ZNF134: variants seen among roughly 807,000 people sequenced by gnomAD.
The protein encoded by ZNF134 is zinc finger protein 134, also known as zinc finger protein 134 (clone pHZ-15).
Under a neutral mutation model 2.5 loss-of-function variants are expected in ZNF134, and 5 were observed. That is an observed-to-expected ratio of 2.03 (90% CI 1.06 to 4.27). ZNF134 has a LOEUF of 4.27. Ranked by LOEUF, ZNF134 falls within the 30% of genes most tolerant of loss-of-function variation. The pLI, the probability that ZNF134 is intolerant of heterozygous loss-of-function variation, is 0.00. For synonymous variants in ZNF134, 176 were observed against 176.2 expected, an observed-to-expected ratio of 1.00 and a Z score of 0.01; for missense variants, 540 against 517.5, an observed-to-expected ratio of 1.04 and a Z score of -0.42.
intron 2 of ZNF134, 146 bp from the exon 3 acceptor site, chr19:57,620,013 AG>A: frequency 2.3e-6 from 2 of 863,030 alleles, no homozygotes; most frequent in Non-Finnish European, 3.5e-6. Context: ...AGTACTGTAC[AG>A]CAGCCCTTTT....
In ZNF134 at chr19:57,619,466, G is replaced by T. The variant is rs377261268; in HGVS notation, c.-3G>T. 32 of 1,604,948 alleles carry T rather than the reference G, an allele frequency of 2.0e-5. No individual in the cohort carries two copies. The highest frequency in any genetic ancestry group is 2.6e-5 in the Non-Finnish European group (31 of 1,175,940). On this transcript the variant is annotated 5_prime_UTR_variant, in exon 2 of 3. Coordinates refer to ENST00000396161, the MANE Select transcript of ZNF134 (RefSeq NM_003435.5). ...AGAGAGAACTCTGGCTGCCTGAGAG[G>T]GCATGACTCTAGTCACAGCAGGAGG...
rs1483770498 is a variant in ZNF134, at chr19:57,620,311, C to T, written c.192C>T (p.His64=). Residue 64 remains histidine, a synonymous_variant, in exon 3 of 3, where the codon CAC becomes CAT. Coordinates refer to ENST00000396161, the MANE Select transcript of ZNF134 (RefSeq NM_003435.5). ...ICGPILKDIL[H]LDEHQGTHHG... ...GCCCCATCTTGAAAGATATTTTGCA[C>T]CTGGATGAACACCAGGGTACACACC... 6.2e-7 allele frequency: 1 copy of T among 1,614,136 alleles called. No individual in the cohort carries two copies. Among genetic ancestry groups the T allele is most frequent in the Non-Finnish European group, 8.5e-7 (1 of 1,180,030 alleles).
At chr19:57,619,649 T>C in intron 2 of ZNF134, 141 bp downstream of exon 2, 1 of 953,990 alleles carries the variant, frequency 1.0e-6, no homozygotes, top group Non-Finnish European at 1.5e-6. Context: ...TACACTCTTG[T>C]CATTTCTAAT....
chr19:57,616,186 A>G (rs1981046291), intron 1 of ZNF134, among the ~76,000 whole-genome samples: 2 of 152,212 alleles, frequency 1.3e-5, no homozygotes, highest in Admixed American at 6.5e-5. Context: ...TCTCTAATGA[A>G]GGATCACTGC....
Position 57,620,759 on chromosome 19 carries a change from A to G in ZNF134, c.640A>G (p.Ser214Gly). The change falls in exon 3 of 3, where the codon AGC (serine) becomes GGC (glycine). Residue 214 changes from serine to glycine, a missense_variant. Physicochemically the swap from Ser to Gly is moderately conservative, Grantham distance 56. Coordinates refer to ENST00000396161, the MANE Select transcript of ZNF134 (RefSeq NM_003435.5). ...YECSECGKAF[S>G]RKATLVQHQR... ...GTGCAGCGAATGTGGGAAAGCCTTC[A>G]GCCGCAAAGCTACACTTGTCCAGCA... 1 of 1,612,858 alleles carries G rather than the reference A, an allele frequency of 6.2e-7. No homozygotes were observed. The highest frequency in any genetic ancestry group is 1.1e-5 in the South Asian group (1 of 91,034).
At chr19:57,615,092 G>C (rs1981014023) in intron 1 of ZNF134, among the ~76,000 whole-genome samples, 1 of 152,014 alleles carries the variant, frequency 6.6e-6, no homozygotes. Flanking sequence ...GGGTTTTTTT[G>C]GCCTGTTTTC....
Position 57,622,993 on chromosome 19 carries a change from A to ACT in ZNF134, c.*1591_*1592insTC, listed in dbSNP as rs1981272814. Reference sequence around the variant, plus strand: ...CACACACACACACACACACACACACACACTTGAAACTATCACCCTATCAGT... The same window carrying ACT: ...CACACACACACACACACACACACACACTCACTTGAAACTATCACCCTATCAGT... On this transcript the variant is annotated 3_prime_UTR_variant, in exon 3 of 3. Coordinates refer to ENST00000396161, the MANE Select transcript of ZNF134 (RefSeq NM_003435.5). The ACT allele has an allele frequency of 6.7e-6, 1 of 148,454 alleles. No individual in the cohort carries two copies. The highest frequency in any genetic ancestry group is 2.5e-5 in the African/African-American group (1 of 39,738). 9.2% of individuals were successfully genotyped at this position (148,454 alleles called of 1,614,324 possible).
chr19:57,616,899 T>C (rs1036742092), intron 1 of ZNF134, among the ~76,000 whole-genome samples: 4 of 152,220 alleles, frequency 2.6e-5, no homozygotes, highest in African/African-American at 9.6e-5. Context: ...GTGTCCCTTC[T>C]GCCTACCGTT....
rs1981263550 is a variant in ZNF134, at chr19:57,622,751, G to A, written c.*1348G>A. 6.6e-6 allele frequency: 1 copy of A among 152,070 alleles called. No individual in the cohort carries two copies. Among genetic ancestry groups the A allele is most frequent in the Admixed American group, 6.6e-5 (1 of 15,256 alleles). The allele number at this position is 152,070 out of a possible 1,614,324, so 9.4% of individuals were successfully genotyped here. A position where few individuals can be genotyped will look rare whatever the true frequency, so the allele number is the denominator to read the frequency against. Reference sequence around the variant, plus strand: ...TTGTTTGCCAGTTTTTCTTACTACTGAGGAAGAGATTGTCTTCCCAAGATA... The same window carrying A: ...TTGTTTGCCAGTTTTTCTTACTACTAAGGAAGAGATTGTCTTCCCAAGATA... On this transcript the variant is annotated 3_prime_UTR_variant, in exon 3 of 3. Transcript: ENST00000396161.
Position 57,622,460 on chromosome 19 carries a change from C to A in ZNF134, c.*1057C>A, listed in dbSNP as rs1395495841. 6.6e-6 allele frequency: 1 copy of A among 152,334 alleles called. No homozygotes were observed. Among genetic ancestry groups the A allele is most frequent in the East Asian group, 1.9e-4 (1 of 5,188 alleles). 9.4% of individuals were successfully genotyped at this position (152,334 alleles called of 1,614,324 possible). On this transcript the variant is annotated 3_prime_UTR_variant, in exon 3 of 3. Transcript: ENST00000396161. Reference sequence around the variant, plus strand: ...AGAGGGGAAGTGCCCATTGTAAAAACACATCCACAGACAGTCCAGGCACTA... The same window carrying A: ...AGAGGGGAAGTGCCCATTGTAAAAAAACATCCACAGACAGTCCAGGCACTA...
intron 1 of ZNF134, among the ~76,000 whole-genome samples, chr19:57,615,280 C>T (rs1466715994): frequency 6.6e-6 from 1 of 151,824 alleles, no homozygotes; most frequent in African/African-American, 2.4e-5. Context: ...CTAGAGACTT[C>T]AATGGGTGAG....
intron 1 of ZNF134, chr19:57,618,806 G>GC (rs1981119085): frequency 6.6e-6 from 1 of 152,670 alleles, no homozygotes; most frequent in Non-Finnish European, 1.5e-5. Flanking sequence ...AATGGGAGCT[G>GC]CTGGATGAGG....
Position 57,624,276 on chromosome 19 carries a change from A to G in ZNF134, c.*2873A>G, listed in dbSNP as rs113427134. Reference sequence around the variant, plus strand: ...CTTTCCCAACCTTTTGTTTGGGAGCAGATAACTAGTTTTCTAGTTTTACAG... The same window carrying G: ...CTTTCCCAACCTTTTGTTTGGGAGCGGATAACTAGTTTTCTAGTTTTACAG... On this transcript the variant is annotated 3_prime_UTR_variant, in exon 3 of 3. Coordinates refer to ENST00000396161, the MANE Select transcript of ZNF134 (RefSeq NM_003435.5). 1.3e-5 allele frequency: 2 copies of G among 152,312 alleles called. No individual in the cohort carries two copies. Among genetic ancestry groups the G allele is most frequent in the Non-Finnish European group, 2.9e-5 (2 of 68,034 alleles). 9.4% of individuals were successfully genotyped at this position (152,312 alleles called of 1,614,324 possible).
rs1981220879 is a variant in ZNF134, at chr19:57,621,515, A to G, written c.*112A>G. 1.3e-6 allele frequency: 2 copies of G among 1,527,888 alleles called. No homozygotes were observed. The highest frequency in any genetic ancestry group is 1.7e-5 in the Admixed American group (1 of 59,912). The allele number at this position is 1,527,888 out of a possible 1,614,324, so 94.6% of individuals were successfully genotyped here. On this transcript the variant is annotated 3_prime_UTR_variant, in exon 3 of 3. Coordinates refer to ENST00000396161, the MANE Select transcript of ZNF134 (RefSeq NM_003435.5). ...CCAGGTACGTGGGAACCTTCTAGGG[A>G]TATGTTGCACTTTCTGACTTGCTCA...
rs201672158 is a variant in ZNF134 at position 57,621,242 on chromosome 19, A to G, written c.1123A>G (p.Ser375Gly). Residue 375 changes from serine to glycine, a missense_variant, in exon 3 of 3, where the codon AGT (serine) becomes GGT (glycine). Physicochemically the swap from Ser to Gly is moderately conservative, Grantham distance 56. Transcript: ENST00000396161. The stretch of plus-strand genomic sequence containing the variant: ...CACTGGTGAAAGGCCTTTTGTGTGC[A>G]GTAAATGTGGGAAAGACTTTATCAG... ...VHTGERPFVC[S>G]KCGKDFIRTS... 2.2e-5 allele frequency: 36 copies of G among 1,614,100 alleles called. No homozygotes were observed. The highest frequency in any genetic ancestry group is 1.7e-6 in the Non-Finnish European group (2 of 1,180,048).
In ZNF134 at chr19:57,614,248, G is replaced by C. The variant is rs1402791592; in HGVS notation, c.-313G>C. On this transcript the variant is annotated 5_prime_UTR_variant, in exon 1 of 3. Transcript: ENST00000396161. ...GACTTCCGGTATCTTCCTCGCGGTG[G>C]ACATCTTGTCGGCTCTTAGGTGGAA... 1 of 420,880 alleles carries C rather than the reference G, an allele frequency of 2.4e-6. No homozygotes were observed. The highest frequency in any genetic ancestry group is 1.6e-5 in the South Asian group (1 of 60,996). 26.1% of individuals were successfully genotyped at this position (420,880 alleles called of 1,614,324 possible).
rs1981240636 is a variant in ZNF134 at position 57,622,097 on chromosome 19, G to T, written c.*694G>T. 6.3e-6 allele frequency: 1 copy of T among 158,106 alleles called. No individual in the cohort carries two copies. Among genetic ancestry groups the T allele is most frequent in the Non-Finnish European group, 1.4e-5 (1 of 71,170 alleles). 9.8% of individuals were successfully genotyped at this position (158,106 alleles called of 1,614,324 possible). On this transcript the variant is annotated 3_prime_UTR_variant, in exon 3 of 3. Coordinates refer to ENST00000396161, the MANE Select transcript of ZNF134 (RefSeq NM_003435.5). Reference sequence around the variant, plus strand: ...TTAACTTCCATAGCTGACAAAGCTTGTTAAGTAAGAATTAAGATCTTGTGT... The same window carrying T: ...TTAACTTCCATAGCTGACAAAGCTTTTTAAGTAAGAATTAAGATCTTGTGT...
In ZNF134 at chr19:57,619,504, C is replaced by T. The variant is rs1185577680; in HGVS notation, c.36C>T (p.Gly12=). Residue 12 remains glycine (G), a synonymous_variant, in exon 2 of 3, where the codon GGC becomes GGT. Coordinates refer to ENST00000396161, the MANE Select transcript of ZNF134 (RefSeq NM_003435.5). ...TLVTAGGAWT[G]PGCWHEVKDE... ...TCACAGCAGGAGGGGCTTGGACAGG[C>T]CCTGGTGAGTGGGAGCTGAGGGACG... The T allele has an allele frequency of 1.2e-6, 2 of 1,602,380 alleles. No individual in the cohort carries two copies. The highest frequency in any genetic ancestry group is 1.7e-6 in the Non-Finnish European group (2 of 1,174,684).
In ZNF134 at chr19:57,621,216, A is replaced by G. The variant is rs1420951628; in HGVS notation, c.1097A>G (p.His366Arg). Residue 366 changes from histidine to arginine, a missense_variant, in exon 3 of 3, where the codon CAC becomes CGC. Coordinates refer to ENST00000396161, the MANE Select transcript of ZNF134 (RefSeq NM_003435.5). ...GACTATATTGCACACCAGAGGGTTCACACTGGTGAAAGGCCTTTTGTGTGC... is the reference window on the plus strand; with the variant it reads ...GACTATATTGCACACCAGAGGGTTCGCACTGGTGAAAGGCCTTTTGTGTGC... ...SSDYIAHQRV[H>R]TGERPFVCSK... 13 of 1,614,100 alleles carry G rather than the reference A, an allele frequency of 8.1e-6. No individual in the cohort carries two copies. The highest frequency in any genetic ancestry group is 1.0e-5 in the Non-Finnish European group (12 of 1,180,044).
Sources: gnomAD v4.1 joint callset for allele counts (sites outside exome capture counted in the v4.1 genomes callset) on GRCh38, gnomAD v4.1.1 for gene constraint, MANE v1.5 for transcripts, NCBI Gene and HGNC (gene_info 2026-07-23, HGNC 2026-07-21) for gene names.